The following ALK variants were observed in gnomAD, a reference collection of about 807,000 sequenced individuals.
ALK encodes the protein ALK tyrosine kinase receptor.
In ALK, 74 loss-of-function variants were observed where a neutral mutation model predicts 163.1. The ratio of observed to expected loss-of-function variants is 0.45; its 90% confidence interval spans 0.38 to 0.55. ALK has a LOEUF of 0.55. Among genes scored for constraint, ALK ranks in the 20% least tolerant of loss-of-function variants. The probability of loss-of-function intolerance (pLI) is 0.00; values close to 1 mark genes in which losing one functional copy is unlikely to be tolerated. For synonymous variants in ALK, 960 were observed against 843.2 expected, an observed-to-expected ratio of 1.14 and a Z score of -2.40; for missense variants, 2,063 against 2,105.3, an observed-to-expected ratio of 0.98 and a Z score of 0.39.
At chr2:29,393,858 G>A (rs1280462700) in intron 4 of ALK, among the ~76,000 whole-genome samples, 2 of 152,268 alleles carry the variant, frequency 1.3e-5, no homozygotes, top group East Asian at 3.9e-4. Context: ...ACTGGTAGCT[G>A]GTGAGTCACC....
intron 1 of ALK, among the ~76,000 whole-genome samples, chr2:29,877,956 C>T (rs1666765449): frequency 6.6e-6 from 1 of 152,190 alleles, no homozygotes; most frequent in African/African-American, 2.4e-5. Context: ...AGAAGAGAGA[C>T]ATGACTACCA....
chr2:29,458,202 G>A (rs941604003), intron 4 of ALK, among the ~76,000 whole-genome samples: 15 of 152,006 alleles, frequency 9.9e-5, no homozygotes, highest in Admixed American at 6.6e-5. Flanking sequence ...GTATATGCTT[G>A]GGTATACATT....
chr2:29,799,867 G>C (rs866805698), intron 1 of ALK, among the ~76,000 whole-genome samples: 1 of 152,076 alleles, frequency 6.6e-6, no homozygotes, highest in African/African-American at 2.4e-5. Context: ...TGCAAAACTA[G>C]ACCAAAAAGT....
intron 15 of ALK, among the ~76,000 whole-genome samples, chr2:29,231,170 T>C (rs1664194060): frequency 6.6e-6 from 1 of 152,064 alleles, no homozygotes; most frequent in African/African-American, 2.4e-5. Context: ...AAACCACGTC[T>C]CTACTAAAAA....
intron 2 of ALK, among the ~76,000 whole-genome samples, chr2:29,706,478 A>G (rs1257126402): frequency 1.3e-5 from 2 of 152,176 alleles, no homozygotes; most frequent in Admixed American, 1.3e-4. Context: ...ACTTGAAACC[A>G]TTCACTTCCT....
At chr2:29,667,978 T>C (rs1677569373) in intron 3 of ALK, among the ~76,000 whole-genome samples, 1 of 152,106 alleles carries the variant, frequency 6.6e-6, no homozygotes, top group African/African-American at 2.4e-5. Context: ...ATTATTAGTT[T>C]ATTGAAGTTT....
chr2:29,921,017 G>A lies in ALK; in HGVS notation c.-358C>T. ...TATGGTTGAAGGGAGGTGGCAGTTG[G>A]GTACCGTCCTCTCCTGCCCCCCGCA... On this transcript the variant is annotated 5_prime_UTR_variant, in exon 1 of 29. Coordinates refer to ENST00000389048, the MANE Select transcript of ALK (RefSeq NM_004304.5). The A allele has an allele frequency of 3.2e-6, 1 of 311,750 alleles. No individual in the cohort carries two copies. Among genetic ancestry groups the A allele is most frequent in the Non-Finnish European group, 5.9e-6 (1 of 168,228 alleles). The allele number at this position is 311,750 out of a possible 1,614,324, so 19.3% of individuals were successfully genotyped here. A position where few individuals can be genotyped will look rare whatever the true frequency, so the allele number is the denominator to read the frequency against.
chr2:29,793,573 C>T (rs1189932683), intron 1 of ALK, among the ~76,000 whole-genome samples: 1 of 152,070 alleles, frequency 6.6e-6, no homozygotes, highest in African/African-American at 2.4e-5. Context: ...AATAATAAGG[C>T]TTGAAAGTCA....
chr2:29,288,080 G>T (rs2148224393), intron 9 of ALK, among the ~76,000 whole-genome samples: 1 of 152,178 alleles, frequency 6.6e-6, no homozygotes, highest in African/African-American at 2.4e-5. Context: ...GGGTGAACTT[G>T]GTCCTTGACT....
intron 4 of ALK, among the ~76,000 whole-genome samples, chr2:29,429,414 C>A (rs6726350): frequency 0.97 from 147,132 of 152,130 alleles, 71,327 homozygotes; most frequent in Non-Finnish European, 1. Context: ...TGCAGTATAC[C>A]AAAAATCAAT....
At chr2:29,838,311 T>C (rs4629121) in intron 1 of ALK, among the ~76,000 whole-genome samples, 5,157 of 152,188 alleles carry the variant, frequency 0.034, 169 homozygotes, top group African/African-American at 0.086. Context: ...TTTTTGAAAA[T>C]AGTGTTGATT....
chr2:29,581,944 A>C (rs956469263), intron 3 of ALK, among the ~76,000 whole-genome samples: 37 of 152,346 alleles, frequency 2.4e-4, no homozygotes, highest in South Asian at 4.1e-4. Context: ...GTGCCTCTGC[A>C]GAGTAGGCTG....
rs1680344225 is a variant in ALK, at chr2:29,750,793, GGTGGCTT to G, written c.668-33103_668-33097del. On this transcript the variant is annotated intron_variant, in intron 1 of 28. Transcript: ENST00000389048. The stretch of plus-strand genomic sequence containing the variant: ...AAAGAGAATGACAGAGGCCGGGCGT[GGTGGCTT>G]GTGGCTCATGCCTGTAATCCCAGCA... 7.9e-5 allele frequency among the ~76,000 whole-genome samples: 12 copies of G among 151,946 alleles called. No individual in the cohort carries two copies. In the South Asian group the frequency reaches 2.5e-3, roughly 32 times the overall value.
At chr2:29,430,400 T>C (rs953443911) in intron 4 of ALK, among the ~76,000 whole-genome samples, 7 of 152,138 alleles carry the variant, frequency 4.6e-5, no homozygotes, top group Non-Finnish European at 5.9e-5. Context: ...AAACCAATGA[T>C]AGGGAAACTT....
intron 7 of ALK, chr2:29,319,209 GGTCTGCAGAGCATTTT>G (rs1666929677): frequency 6.6e-6 from 1 of 152,234 alleles, no homozygotes; most frequent in South Asian, 2.1e-4. Flanking sequence ...AAACTTTCAG[GGTCTGCAGAGCATTTT>G]GTACGTGGCC....
At chr2:29,470,551 G>A (rs1671323636) in intron 4 of ALK, among the ~76,000 whole-genome samples, 1 of 152,176 alleles carries the variant, frequency 6.6e-6, no homozygotes, top group Non-Finnish European at 1.5e-5. Context: ...ACAGAGGCAA[G>A]GAAGGCCGAA....
At chr2:29,394,070 C>A (rs1182354314) in intron 4 of ALK, among the ~76,000 whole-genome samples, 1 of 152,264 alleles carries the variant, frequency 6.6e-6, no homozygotes, top group Admixed American at 6.5e-5. Context: ...ATGAGGAACT[C>A]TAATCAACAG....
chr2:29,576,086 C>T (rs747536458), intron 3 of ALK, among the ~76,000 whole-genome samples: 8 of 152,104 alleles, frequency 5.3e-5, no homozygotes, highest in Non-Finnish European at 8.8e-5. Flanking sequence ...AGTGGGTGCA[C>T]GGGGTGCAGT....
intron 3 of ALK, among the ~76,000 whole-genome samples, chr2:29,568,946 G>A (rs1401857720): frequency 1.3e-5 from 2 of 151,454 alleles, no homozygotes; most frequent in Admixed American, 6.6e-5. Flanking sequence ...GTTATGCTGG[G>A]TCTCTCCACC....
Sources: gnomAD v4.1 joint callset for allele counts (sites outside exome capture counted in the v4.1 genomes callset) on GRCh38, gnomAD v4.1.1 for gene constraint, MANE v1.5 for transcripts, NCBI Gene and HGNC (gene_info 2026-07-23, HGNC 2026-07-21) for gene names.